TAF12: variants seen among roughly 807,000 people sequenced by gnomAD.
The protein encoded by TAF12 is transcription initiation factor TFIID subunit 12.
In TAF12, 3 loss-of-function variants were observed where a neutral mutation model predicts 20.8. The ratio of observed to expected loss-of-function variants is 0.14; its 90% CI spans 0.07 to 0.37. TAF12 has a LOEUF of 0.37. TAF12 is among the 10% of genes least tolerant of loss of function. The probability of loss-of-function intolerance (pLI) is 1.00; values close to 1 mark genes in which losing one functional copy is unlikely to be tolerated. For missense variants in TAF12, 131 were observed against 197.9 expected (o/e 0.66, Z 2.03); for synonymous variants, 69 against 70.2 (o/e 0.98, Z 0.09).
At chr1:28,612,441 A>G (rs1226946214) in intron 4 of TAF12, among the ~76,000 whole-genome samples, 1 of 147,518 alleles carries the variant, frequency 6.8e-6, no homozygotes, top group Non-Finnish European at 1.5e-5. Flanking sequence ...ACTCGATCAA[A>G]AAAATATATA....
intron 1 of TAF12, among the ~76,000 whole-genome samples, chr1:28,625,301 G>A (rs1667343954): frequency 6.6e-6 from 1 of 152,168 alleles, no homozygotes; most frequent in Non-Finnish European, 1.5e-5. Context: ...CTACTCAGGA[G>A]GCTGAAGTAG....
intron 1 of TAF12, chr1:28,623,935 A>C (rs751704318): frequency 2.0e-6 from 2 of 985,566 alleles, no homozygotes; most frequent in Admixed American, 6.1e-5. Flanking sequence ...AGTAGCCTCA[A>C]ACTTACTTAC....
At chr1:28,643,151 C>T (rs542264183), upstream of TAF12, 75 of 981,782 alleles carry the variant, frequency 7.6e-5, no homozygotes, top group African/African-American at 1.3e-3. Flanking sequence ...CGGGCGCGCG[C>T]CTCGCTTGCG....
At chr1:28,629,779 T>C (rs1320942456) in intron 1 of TAF12, among the ~76,000 whole-genome samples, 1 of 151,976 alleles carries the variant, frequency 6.6e-6, no homozygotes, top group Non-Finnish European at 1.5e-5. Flanking sequence ...TAGCTGGGGC[T>C]ACAAGTGCAA....
chr1:28,643,070 G>T (rs1023491876), upstream of TAF12: 3 of 985,854 alleles, frequency 3.0e-6, no homozygotes, highest in South Asian at 4.7e-5. Flanking sequence ...GTCCGACTGC[G>T]CGGCCCTCCC....
At chr1:28,627,665 C>CAA (rs61016146) in intron 1 of TAF12, among the ~76,000 whole-genome samples, 8,182 of 102,358 alleles carry the variant, frequency 0.08, 456 homozygotes, top group African/African-American at 0.11. Flanking sequence ...TGCACTCCCT[C>CAA]AAAAAAAAAA....
chr1:28,611,788 A>T (rs1666869637), intron 4 of TAF12, among the ~76,000 whole-genome samples: 1 of 152,136 alleles, frequency 6.6e-6, no homozygotes, highest in South Asian at 2.1e-4. Context: ...TGCCAAGTTT[A>T]TGGTATTTTG....
intron 3 of TAF12, among the ~76,000 whole-genome samples, chr1:28,617,569 C>T (rs1667083727): frequency 6.6e-6 from 1 of 151,858 alleles, no homozygotes; most frequent in Non-Finnish European, 1.5e-5. Context: ...GCCTCAGCCT[C>T]CCGAGTAGCT....
intron 4 of TAF12, among the ~76,000 whole-genome samples, chr1:28,609,268 GTTTCTCCACGTTGGTCAGGC>G (rs1666776358): frequency 6.6e-6 from 1 of 151,676 alleles, no homozygotes; most frequent in Non-Finnish European, 1.5e-5. Context: ...TAGAGGCAGG[GTTTCTCCACGTTGGTCAGGC>G]TGGTCTCGAA....
chr1:28,634,608 G>A (rs898233094), intron 1 of TAF12, among the ~76,000 whole-genome samples: 1 of 151,876 alleles, frequency 6.6e-6, no homozygotes, highest in African/African-American at 2.4e-5. Flanking sequence ...ATCAAAACAC[G>A]ATTGTATGGG....
intron 1 of TAF12, among the ~76,000 whole-genome samples, chr1:28,640,942 T>C (rs1038136364): frequency 2.0e-5 from 3 of 152,040 alleles, no homozygotes; most frequent in Non-Finnish European, 1.5e-5. Context: ...CTGGGTGTAG[T>C]GGCTCATACC....
chr1:28,621,376 G>A (rs1281358456), intron 2 of TAF12, among the ~76,000 whole-genome samples: 1 of 152,180 alleles, frequency 6.6e-6, no homozygotes. Context: ...TAGAATCACT[G>A]CAGAAAATTA....
chr1:28,604,957 ACTACCT>A (rs1666615813), intron 5 of TAF12, among the ~76,000 whole-genome samples: 1 of 152,202 alleles, frequency 6.6e-6, no homozygotes, highest in Non-Finnish European at 1.5e-5. Context: ...CAGCCTGGAT[ACTACCT>A]CTCAGAACAA....
At chr1:28,629,543 C>A (rs780768928) in intron 1 of TAF12, among the ~76,000 whole-genome samples, 2 of 152,108 alleles carry the variant, frequency 1.3e-5, no homozygotes, top group Non-Finnish European at 2.9e-5. Flanking sequence ...CCCATGTTGG[C>A]CAGGCTGGTC....
At chr1:28,640,630 A>G (rs1667999896) in intron 1 of TAF12, among the ~76,000 whole-genome samples, 1 of 152,182 alleles carries the variant, frequency 6.6e-6, no homozygotes, top group Non-Finnish European at 1.5e-5. Flanking sequence ...TCAGAAAAAG[A>G]TATTAATATT....
At chr1:28,642,541 G>T in intron 1 of TAF12, 1 of 684,116 alleles carries the variant, frequency 1.5e-6, no homozygotes, top group Non-Finnish European at 1.8e-6. Flanking sequence ...GTCTGCTTCT[G>T]CCCCTCAGGA....
At chr1:28,628,228 T>TC (rs1380249320) in intron 1 of TAF12, among the ~76,000 whole-genome samples, 1 of 3,874 alleles carries the variant, frequency 2.6e-4, no homozygotes, top group East Asian at 5.6e-3. Context: ...GTGCAGGGGG[T>TC]GGGGGGGGGG....
At chr1:28,648,262 C>T in exon 1 of TAF12, 1 of 985,296 alleles carries the variant, frequency 1.0e-6, no homozygotes, top group Non-Finnish European at 1.2e-6. Flanking sequence ...GAGCAGTTGA[C>T]AAGAAAGACC....
chr1:28,618,038 T>C lies in TAF12; in HGVS notation c.169-8A>G. The C allele has an allele frequency of 6.2e-7, 1 of 1,609,512 alleles. No homozygotes were observed. The highest frequency in any genetic ancestry group is 8.5e-7 in the Non-Finnish European group (1 of 1,176,906). The stretch of plus-strand genomic sequence containing the variant: ...TTTCTTCTTGGTCAATACCTAAAGT[T>C]AATTGGAAGAAGACTTTTCAACCAG... On this transcript the variant is annotated splice_region_variant and splice_polypyrimidine_tract_variant and intron_variant, in intron 2 of 5. Transcript: ENST00000373824.
Sources: allele counts gnomAD v4.1 joint callset (sites outside exome capture counted in the v4.1 genomes callset), GRCh38; gene constraint gnomAD v4.1.1; transcripts MANE v1.5; gene names NCBI Gene and HGNC (gene_info 2026-07-23, HGNC 2026-07-21).